POFUT3: variants seen among roughly 807,000 people sequenced by gnomAD.
POFUT3 encodes GDP-fucose protein O-fucosyltransferase 3.
chr8:33,401,251 G>A, the POFUT3 span, among the ~76,000 whole-genome samples: 2 of 152,124 alleles, frequency 1.3e-5, no homozygotes, highest in Non-Finnish European at 1.5e-5. Context: ...CTCCCAAAGT[G>A]CTGGGATCAC....
chr8:33,449,676 C>T, the POFUT3 span, among the ~76,000 whole-genome samples: 1 of 152,086 alleles, frequency 6.6e-6, no homozygotes, highest in Admixed American at 6.6e-5. Context: ...CTTAAGCCAA[C>T]ATTGAAGGTT....
the POFUT3 span, among the ~76,000 whole-genome samples, chr8:33,370,057 C>G: frequency 6.6e-6 from 1 of 151,404 alleles, no homozygotes; most frequent in African/African-American, 2.4e-5. Flanking sequence ...AATGGCCAGG[C>G]GCAGTGGCTC....
At chr8:33,326,711 G>A in the POFUT3 span, among the ~76,000 whole-genome samples, 1 of 152,252 alleles carries the variant, frequency 6.6e-6, no homozygotes, top group Admixed American at 6.5e-5. Context: ...TTAGAGATGG[G>A]AGGTCATAGC....
At chr8:33,387,048 C>T in the POFUT3 span, among the ~76,000 whole-genome samples, 2 of 152,070 alleles carry the variant, frequency 1.3e-5, no homozygotes. Context: ...ATAGCATGGG[C>T]AATTAATGTG....
At chr8:33,441,547 A>C in the POFUT3 span, among the ~76,000 whole-genome samples, 1 of 151,648 alleles carries the variant, frequency 6.6e-6, no homozygotes, top group South Asian at 2.1e-4. Context: ...TGCCCAGCTA[A>C]TTTTTGTATT....
At chr8:33,472,667 T>C in the POFUT3 span, among the ~76,000 whole-genome samples, 2 of 152,060 alleles carry the variant, frequency 1.3e-5, no homozygotes, top group Admixed American at 6.5e-5. Flanking sequence ...AAAGGCAGAT[T>C]AGGTTCTGGA....
At chr8:33,418,746 G>T in the POFUT3 span, among the ~76,000 whole-genome samples, 1 of 152,122 alleles carries the variant, frequency 6.6e-6, no homozygotes, top group Admixed American at 6.5e-5. Context: ...AGAAGAAGGG[G>T]ACTCAGTATG....
chr8:33,426,915 T>C, the POFUT3 span, among the ~76,000 whole-genome samples: 2 of 152,166 alleles, frequency 1.3e-5, no homozygotes, highest in African/African-American at 4.8e-5. Context: ...GGGTACCCTC[T>C]CTGGAATAGC....
chr8:33,331,778 C>T, the POFUT3 span, among the ~76,000 whole-genome samples: 1 of 152,016 alleles, frequency 6.6e-6, no homozygotes, highest in African/African-American at 2.4e-5. Context: ...CGGGTTCACG[C>T]CATTCTCCTG....
the POFUT3 span, among the ~76,000 whole-genome samples, chr8:33,322,386 T>C: frequency 9.2e-5 from 14 of 152,086 alleles, no homozygotes; most frequent in African/African-American, 3.4e-4. Context: ...ATCTTCAATT[T>C]GCTGAGTGTA....
the POFUT3 span, among the ~76,000 whole-genome samples, chr8:33,327,661 C>A: frequency 6.6e-6 from 1 of 152,140 alleles, no homozygotes; most frequent in Non-Finnish European, 1.5e-5. Flanking sequence ...CAGCAGAAGC[C>A]TAAGTAAGCC....
the POFUT3 span, among the ~76,000 whole-genome samples, chr8:33,343,966 C>T: frequency 1.3e-5 from 2 of 152,182 alleles, no homozygotes; most frequent in Non-Finnish European, 2.9e-5. Flanking sequence ...GACCTCCAAA[C>T]CCCCACTTCC....
At chr8:33,388,810 G>C in the POFUT3 span, 1 of 659,050 alleles carries the variant, frequency 1.5e-6, no homozygotes, top group Non-Finnish European at 2.7e-6. Context: ...CCAAAAGGTA[G>C]TAATGGAATA....
the POFUT3 span, among the ~76,000 whole-genome samples, chr8:33,470,922 C>T: frequency 2.0e-5 from 3 of 152,028 alleles, no homozygotes; most frequent in Non-Finnish European, 4.4e-5. Flanking sequence ...GTAATCCAGA[C>T]AACTTGAGTC....
the POFUT3 span, among the ~76,000 whole-genome samples, chr8:33,448,702 G>C: frequency 9.9e-5 from 15 of 152,126 alleles, no homozygotes; most frequent in African/African-American, 3.6e-4. Context: ...GGGAGGCTGA[G>C]GCAGGTGGAT....
chr8:33,387,834 A>G, the POFUT3 span, among the ~76,000 whole-genome samples: 200 of 152,266 alleles, frequency 1.3e-3, no homozygotes, highest in African/African-American at 4.7e-3. Flanking sequence ...AAATATTTAG[A>G]TAAAACCTTA....
chr8:33,472,715 G>T, the POFUT3 span, among the ~76,000 whole-genome samples: 1 of 152,222 alleles, frequency 6.6e-6, no homozygotes, highest in Non-Finnish European at 1.5e-5. Context: ...GCCGATCGGG[G>T]CAGGCGGGGA....
the POFUT3 span, chr8:33,453,465 A>T: frequency 3.7e-6 from 6 of 1,613,370 alleles, no homozygotes; most frequent in Non-Finnish European, 5.1e-6. Context: ...TGCAAACTGG[A>T]ACTTTTAAAC....
At chr8:33,324,680 A>C in the POFUT3 span, among the ~76,000 whole-genome samples, 11 of 152,162 alleles carry the variant, frequency 7.2e-5, no homozygotes, top group African/African-American at 2.4e-4. Context: ...TAGTGGATGC[A>C]TAACAAATGT....
Sources: allele counts gnomAD v4.1 joint callset (sites outside exome capture counted in the v4.1 genomes callset), GRCh38; gene constraint gnomAD v4.1.1; transcripts MANE v1.5; gene names NCBI Gene and HGNC (gene_info 2026-07-23, HGNC 2026-07-21).